DMD: variants seen among roughly 807,000 people sequenced by gnomAD.
DMD encodes the protein dystrophin.
Under a neutral mutation model 330.1 loss-of-function variants are expected in DMD, and 63 were observed. That is an observed-to-expected ratio of 0.19 (90% confidence interval 0.16 to 0.24). DMD has a LOEUF of 0.24. DMD is among the 10% of genes least tolerant of loss of function. The pLI is 1.00. For missense variants in DMD, 3,344 were observed against 2,684.1 expected (o/e 1.25, Z -5.43); for synonymous variants, 1,223 against 959.8 (o/e 1.27, Z -5.07).
chrX:31,880,411 G>T (rs2168860), intron 47 of DMD, among the ~76,000 whole-genome samples: 1 of 111,118 alleles, frequency 9.0e-6, no homozygotes, highest in Admixed American at 9.5e-5. Context: ...ATCTTTTAAT[G>T]AGTAAAAAAA....
rs776514706 is a variant in DMD at position 31,181,790 on chromosome X, G to A, written c.9974+948C>T. Among the ~76,000 whole-genome samples the A allele has an allele frequency of 1.9e-4, 21 of 112,710 alleles. No individual in the cohort carries two copies. In the East Asian group the frequency reaches 1.9e-3, roughly 10 times the overall value. ...ATAAAGTAACAAAACCAGTTCACAC[G>A]TAACTGGAAAAGAGTGTTTACTTTG... On this transcript the variant is annotated intron_variant, in intron 68 of 78. Transcript: ENST00000357033.
At chrX:31,266,159 CAAAAAAAAAAA>C (rs1174153877) in intron 62 of DMD, among the ~76,000 whole-genome samples, 1 of 13,333 alleles carries the variant, frequency 7.5e-5, no homozygotes, top group African/African-American at 3.7e-4. Context: ...TCCCGAAGGG[CAAAAAAAAAAA>C]AAAAAAAAAA....
At chrX:32,773,037 C>T (rs774544118) in intron 7 of DMD, among the ~76,000 whole-genome samples, 32 of 111,634 alleles carry the variant, frequency 2.9e-4, no homozygotes, top group Middle Eastern at 4.6e-3. Context: ...AGTATCCTTC[C>T]GTCATGCTCC....
chrX:32,867,930 GGA>G (rs1326446068), intron 2 of DMD, among the ~76,000 whole-genome samples: 4 of 111,141 alleles, frequency 3.6e-5, no homozygotes, highest in African/African-American at 1.3e-4. Context: ...GGAAAAATAT[GGA>G]GAGAGGCCAA....
At chrX:33,323,898 A>C (rs942888102) in intron 1 of DMD, among the ~76,000 whole-genome samples, 1 of 110,433 alleles carries the variant, frequency 9.1e-6, no homozygotes, top group African/African-American at 3.3e-5. Context: ...GAATGCTTCC[A>C]TTTTTTCAGA....
chrX:32,288,232 T>C (rs1308400166), intron 42 of DMD, among the ~76,000 whole-genome samples: 1 of 111,773 alleles, frequency 8.9e-6, no homozygotes, highest in Non-Finnish European at 1.9e-5. Flanking sequence ...AATTCTGAAC[T>C]GCATTTCCTA....
chrX:32,151,735 GTTTTTTA>G (rs1292791660), intron 44 of DMD, among the ~76,000 whole-genome samples: 2 of 100,769 alleles, frequency 2.0e-5, no homozygotes, highest in Non-Finnish European at 4.2e-5. Context: ...ATTGTTTTTT[GTTTTTTA>G]TTGGCTATTG....
intron 52 of DMD, among the ~76,000 whole-genome samples, chrX:31,696,877 T>C (rs5927810): frequency 0.2 from 22,419 of 111,466 alleles, 1,713 homozygotes; most frequent in East Asian, 0.4. Context: ...CATCAGCACA[T>C]ACAGACGAAT....
intron 7 of DMD, among the ~76,000 whole-genome samples, chrX:32,809,262 C>CT (rs1488935762): frequency 1.8e-5 from 2 of 111,644 alleles, no homozygotes; most frequent in Non-Finnish European, 3.8e-5. Flanking sequence ...ATTTTAAAGG[C>CT]TTTTTTCCTA....
chrX:33,310,451 T>G (rs2148947242), intron 1 of DMD, among the ~76,000 whole-genome samples: 1 of 111,507 alleles, frequency 9.0e-6, no homozygotes, highest in Non-Finnish European at 1.9e-5. Flanking sequence ...CCCAGAAAAT[T>G]AGCAACCATT....
intron 1 of DMD, among the ~76,000 whole-genome samples, chrX:33,160,948 CA>C (rs910179452): frequency 3.1e-4 from 35 of 111,711 alleles, no homozygotes; most frequent in Non-Finnish European, 5.1e-4. Flanking sequence ...ATTAAATGTC[CA>C]ACCTAGGTGT....
chrX:31,822,709 T>TGTGTG (rs1569454574), intron 49 of DMD, among the ~76,000 whole-genome samples: 1 of 107,274 alleles, frequency 9.3e-6, no homozygotes, highest in Non-Finnish European at 1.9e-5. Flanking sequence ...TGTATTTTTC[T>TGTGTG]TGCCTTTGAT....
chrX:31,178,979 C>T (rs188492893), intron 69 of DMD, among the ~76,000 whole-genome samples, 174 bp from the exon 70 acceptor site: 2 of 111,500 alleles, frequency 1.8e-5, no homozygotes, highest in South Asian at 3.8e-4. Context: ...CTGGCATGTA[C>T]TAATTTGGCT....
intron 44 of DMD, among the ~76,000 whole-genome samples, chrX:31,991,761 T>TAAG (rs2095552245): frequency 1.1e-5 from 1 of 88,744 alleles, no homozygotes; most frequent in Admixed American, 1.3e-4. Flanking sequence ...TTACAGACTT[T>TAAG]AAAAAAAAAA....
chrX:32,818,994 C>G (rs916703854), intron 5 of DMD, among the ~76,000 whole-genome samples: 1 of 96,717 alleles, frequency 1.0e-5, no homozygotes, highest in African/African-American at 4.0e-5. Context: ...CACCTCTGCC[C>G]TTCTACAGGT....
intron 60 of DMD, among the ~76,000 whole-genome samples, chrX:31,434,472 AC>A (rs1256223898): frequency 1.1e-5 from 1 of 94,218 alleles, no homozygotes; most frequent in Non-Finnish European, 2.2e-5. Context: ...ACACACACAC[AC>A]ATTTAGGTCC....
At chrX:33,267,502 C>A (rs990999177) in intron 1 of DMD, among the ~76,000 whole-genome samples, 3 of 92,165 alleles carry the variant, frequency 3.3e-5, no homozygotes, top group African/African-American at 1.1e-4. Flanking sequence ...AAAAACAATT[C>A]TAAAATTCAT....
chrX:33,054,157 A>G (rs2094491725), intron 1 of DMD, among the ~76,000 whole-genome samples: 1 of 112,197 alleles, frequency 8.9e-6, no homozygotes, highest in African/African-American at 3.2e-5. Context: ...ATGGAAACAG[A>G]ATGATCACAT....
At chrX:32,818,166 T>A (rs967110797) in intron 5 of DMD, among the ~76,000 whole-genome samples, 1 of 112,000 alleles carries the variant, frequency 8.9e-6, no homozygotes, top group African/African-American at 3.2e-5. Context: ...GGCTTAATGG[T>A]GGTAATGGAT....
Sources: allele counts gnomAD v4.1 joint callset (sites outside exome capture counted in the v4.1 genomes callset), GRCh38; gene constraint gnomAD v4.1.1; transcripts MANE v1.5; gene names NCBI Gene and HGNC (gene_info 2026-07-23, HGNC 2026-07-21).